The following RBKS variants were observed in gnomAD, a reference collection of about 807,000 sequenced individuals.
RBKS encodes ribokinase.
Under a neutral mutation model 33.9 loss-of-function variants are expected in RBKS, and 33 were observed. The ratio of observed to expected loss-of-function variants is 0.97; its 90% confidence interval spans 0.74 to 1.30. RBKS has a LOEUF of 1.30. RBKS is among the 50% of genes most tolerant of loss of function. The pLI, the probability that RBKS is intolerant of heterozygous loss-of-function variation, is 0.00. For missense variants in RBKS, 361 were observed against 392.6 expected, an observed-to-expected ratio of 0.92 and a Z score of 0.68; for synonymous variants, 125 against 143.0, an observed-to-expected ratio of 0.87 and a Z score of 0.90.
At chr2:27,789,917 T>TATATATATATA (rs1558532927) in intron 7 of RBKS, among the ~76,000 whole-genome samples, 1 of 105,618 alleles carries the variant, frequency 9.5e-6, no homozygotes, top group African/African-American at 4.7e-5. Flanking sequence ...GTGTGTGTGT[T>TATATATATATA]TGTGTGTGTA....
intron 2 of RBKS, among the ~76,000 whole-genome samples, chr2:27,855,019 T>C (rs1310634748): frequency 6.6e-6 from 1 of 152,154 alleles, no homozygotes; most frequent in East Asian, 1.9e-4. Flanking sequence ...CTTAAGAAGG[T>C]AGATCTCAAG....
At chr2:27,782,021 A>C (rs1310254792) in intron 7 of RBKS, among the ~76,000 whole-genome samples, 1 of 152,170 alleles carries the variant, frequency 6.6e-6, no homozygotes, top group East Asian at 1.9e-4. Flanking sequence ...TACTTTTTTC[A>C]GAGTTTACTA....
At chr2:27,883,421 G>T (rs550041477) in intron 1 of RBKS, among the ~76,000 whole-genome samples, 41 of 152,160 alleles carry the variant, frequency 2.7e-4, no homozygotes, top group African/African-American at 9.2e-4. Context: ...GGATGGTCTC[G>T]ATCTCCTGAC....
chr2:27,829,832 G>C (rs764648558), intron 6 of RBKS, among the ~76,000 whole-genome samples: 1 of 152,214 alleles, frequency 6.6e-6, no homozygotes, highest in Non-Finnish European at 1.5e-5. Context: ...CAGAGGCTGT[G>C]TCTCTGTCCT....
At chr2:27,834,933 C>T (rs988122606) in intron 5 of RBKS, among the ~76,000 whole-genome samples, 9 of 152,042 alleles carry the variant, frequency 5.9e-5, no homozygotes, top group African/African-American at 9.7e-5. Flanking sequence ...GCTCTGTTTG[C>T]AATAGAAAAC....
intron 3 of RBKS, 111 bp from the exon 4 acceptor site, chr2:27,847,215 C>T: frequency 1.6e-6 from 1 of 615,544 alleles, no homozygotes; most frequent in Admixed American, 2.6e-5. Flanking sequence ...AACCTTTAAC[C>T]ATCTGGAATG....
intron 7 of RBKS, among the ~76,000 whole-genome samples, chr2:27,783,672 C>T (rs1299189309): frequency 6.6e-6 from 1 of 152,056 alleles, no homozygotes; most frequent in Non-Finnish European, 1.5e-5. Context: ...CTTCGGGAGG[C>T]CGAGGCGGGC....
chr2:27,857,930 T>C, intron 2 of RBKS, among the ~76,000 whole-genome samples: 1 of 152,184 alleles, frequency 6.6e-6, no homozygotes, highest in Non-Finnish European at 1.5e-5. Context: ...CTGCTATTCA[T>C]AACAGCCAAA....
intron 7 of RBKS, among the ~76,000 whole-genome samples, chr2:27,815,814 G>A (rs1678081390): frequency 6.6e-6 from 1 of 152,150 alleles, no homozygotes; most frequent in African/African-American, 2.4e-5. Flanking sequence ...TGGGCAGAGG[G>A]ACTATTTCAT....
chr2:27,828,852 A>C (rs1419841516), intron 6 of RBKS, among the ~76,000 whole-genome samples: 1 of 152,088 alleles, frequency 6.6e-6, no homozygotes, highest in East Asian at 1.9e-4. Flanking sequence ...CTTCTTTCAT[A>C]ATGAATGTTA....
intron 2 of RBKS, among the ~76,000 whole-genome samples, chr2:27,850,891 G>A (rs928040014): frequency 1.3e-5 from 2 of 152,172 alleles, no homozygotes; most frequent in African/African-American, 4.8e-5. Context: ...AAAATTCAGA[G>A]GTTCTGGTAA....
intron 5 of RBKS, among the ~76,000 whole-genome samples, chr2:27,836,723 G>A (rs1678527960): frequency 6.6e-6 from 1 of 152,068 alleles, no homozygotes; most frequent in Non-Finnish European, 1.5e-5. Flanking sequence ...CTATAGAATG[G>A]GAGAAAATAT....
intron 2 of RBKS, among the ~76,000 whole-genome samples, chr2:27,858,235 G>A (rs1408202859): frequency 3.3e-5 from 5 of 152,218 alleles, no homozygotes; most frequent in African/African-American, 1.2e-4. Flanking sequence ...AACTGCTTAA[G>A]GGGTAAGGGA....
intron 2 of RBKS, among the ~76,000 whole-genome samples, chr2:27,853,493 C>A (rs1193890307): frequency 6.6e-6 from 1 of 151,376 alleles, no homozygotes; most frequent in South Asian, 2.1e-4. Flanking sequence ...ACCTTGTCTA[C>A]AAAAAATACA....
chr2:27,815,808 C>A (rs555700268), intron 7 of RBKS, among the ~76,000 whole-genome samples: 1 of 152,178 alleles, frequency 6.6e-6, no homozygotes, highest in African/African-American at 2.4e-5. Flanking sequence ...TCTCACTGGG[C>A]AGAGGGACTA....
At chr2:27,840,106 G>A (rs954016928) in intron 5 of RBKS, among the ~76,000 whole-genome samples, 9 of 146,582 alleles carry the variant, frequency 6.1e-5, no homozygotes, top group African/African-American at 2.0e-4. Context: ...TGCAAGTTCC[G>A]CCTCCTGGGT....
intron 7 of RBKS, among the ~76,000 whole-genome samples, chr2:27,786,313 A>T (rs1044576139): frequency 1.3e-5 from 2 of 152,154 alleles, no homozygotes; most frequent in Non-Finnish European, 1.5e-5. Flanking sequence ...GTTTCAGATA[A>T]TAAGAGTATG....
rs1424663087 is a variant in RBKS, at chr2:27,883,262, C to T, written c.89+6995G>A. On this transcript the variant is annotated intron_variant, in intron 1 of 7. Coordinates refer to ENST00000302188, the MANE Select transcript of RBKS (RefSeq NM_022128.3). ...TCACCCAGGCTGGAGTGCAGTGGCA[C>T]GATCTCAGCTCACTGCAAGCTCCGC... Among the ~76,000 whole-genome samples, 6 of 150,638 alleles carry T rather than the reference C, an allele frequency of 4.0e-5. No homozygotes were observed. In the South Asian group the frequency reaches 1.0e-3, roughly 26 times the overall value.
At chr2:27,817,309 T>G (rs1678112869) in intron 7 of RBKS, among the ~76,000 whole-genome samples, 1 of 152,238 alleles carries the variant, frequency 6.6e-6, no homozygotes, top group African/African-American at 2.4e-5. Context: ...TTTAGCAGTT[T>G]ATAGTTTAGC....
Sources: gnomAD v4.1 joint callset for allele counts (sites outside exome capture counted in the v4.1 genomes callset) on GRCh38, gnomAD v4.1.1 for gene constraint, MANE v1.5 for transcripts, NCBI Gene and HGNC (gene_info 2026-07-23, HGNC 2026-07-21) for gene names.